The following ACCSL variants were observed in gnomAD, a reference collection of about 807,000 sequenced individuals.
ACCSL encodes the protein 1-aminocyclopropane-1-carboxylate synthase homolog (inactive) like.
A neutral mutation model predicts 61.7 loss-of-function variants in ACCSL; 55 were observed. The observed-to-expected ratio is 0.89, with a 90% confidence interval of 0.72 to 1.12. The LOEUF is 1.12. Ranked by LOEUF, ACCSL falls within the 50% of genes most tolerant of loss-of-function variation. ACCSL has a pLI of 0.00. For synonymous variants in ACCSL, 258 were observed against 264.3 expected, an observed-to-expected ratio of 0.98 and a Z score of 0.23; for missense variants, 632 against 698.0, an observed-to-expected ratio of 0.91 and a Z score of 1.07.
intron 5 of ACCSL, 111 bp downstream of exon 5, chr11:44,051,830 C>T: frequency 7.5e-7 from 1 of 1,328,480 alleles, no homozygotes; most frequent in Non-Finnish European, 1.1e-6. Context: ...AGGCCTTTTC[C>T]CCAAAGTGGT....
chr11:43,943,362 G>GGGGGACCCGC, the ACCSL span: 1 of 1,388,718 alleles, frequency 7.2e-7, no homozygotes, highest in Non-Finnish European at 9.3e-7. This position sits in a 1 kb window ranked among gnomAD's most constrained non-coding sequence, Gnocchi z 4.8. Flanking sequence ...CCCTGCTCCC[G>GGGGGACCCGC]GGGGACCCGC....
the ACCSL span, among the ~76,000 whole-genome samples, chr11:43,928,005 G>C: frequency 7.9e-5 from 12 of 152,362 alleles, no homozygotes; most frequent in African/African-American, 2.9e-4. Flanking sequence ...GGGTCCTGAT[G>C]ATGAGTCTTA....
At chr11:44,023,767 A>T in the ACCSL span, among the ~76,000 whole-genome samples, 1 of 152,022 alleles carries the variant, frequency 6.6e-6, no homozygotes, top group Non-Finnish European at 1.5e-5. Context: ...TTTCTTTTTT[A>T]AAAATATAAA....
At chr11:43,950,176 C>T in the ACCSL span, among the ~76,000 whole-genome samples, 1 of 152,206 alleles carries the variant, frequency 6.6e-6, no homozygotes, top group Non-Finnish European at 1.5e-5. Flanking sequence ...CGAGTTGTTC[C>T]ACATTCTGGA....
the ACCSL span, among the ~76,000 whole-genome samples, chr11:44,009,520 C>T: frequency 6.6e-6 from 1 of 152,206 alleles, no homozygotes; most frequent in African/African-American, 2.4e-5. Flanking sequence ...AATCCCAACA[C>T]TTTGAGAGGC....
the ACCSL span, among the ~76,000 whole-genome samples, chr11:43,938,782 A>AT: frequency 1.3e-5 from 2 of 152,252 alleles, no homozygotes; most frequent in Non-Finnish European, 2.9e-5. Context: ...AGCCTGGAAA[A>AT]CAGAGCAAGA....
the ACCSL span, among the ~76,000 whole-genome samples, chr11:43,982,330 C>G: frequency 6.7e-6 from 1 of 149,076 alleles, no homozygotes; most frequent in Non-Finnish European, 1.5e-5. Flanking sequence ...CAGGTTCTAG[C>G]GATTCTCGTG....
chr11:43,926,803 G>T, the ACCSL span, among the ~76,000 whole-genome samples: 1 of 152,196 alleles, frequency 6.6e-6, no homozygotes, highest in Non-Finnish European at 1.5e-5. Flanking sequence ...AGGTTGGAGG[G>T]CAGTGGTGCA....
the ACCSL span, among the ~76,000 whole-genome samples, chr11:43,954,588 CTTTTTTTT>C: frequency 2.1e-5 from 3 of 145,726 alleles, no homozygotes; most frequent in South Asian, 6.6e-4. Context: ...TTCTTTCTTT[CTTTTTTTT>C]TTTTTGAGGT....
At chr11:43,993,674 G>A in the ACCSL span, among the ~76,000 whole-genome samples, 1 of 152,060 alleles carries the variant, frequency 6.6e-6, no homozygotes, top group Non-Finnish European at 1.5e-5. Context: ...AGAACAACGA[G>A]CATCCTGGAT....
At chr11:44,029,294 C>T in the ACCSL span, among the ~76,000 whole-genome samples, 1 of 152,276 alleles carries the variant, frequency 6.6e-6, no homozygotes, top group Non-Finnish European at 1.5e-5. Context: ...CAGCTTCTTG[C>T]TGTTCCTTCA....
chr11:44,006,691 G>C, the ACCSL span, among the ~76,000 whole-genome samples: 4 of 151,876 alleles, frequency 2.6e-5, no homozygotes, highest in Admixed American at 2.6e-4. Context: ...TTTTTGTAGA[G>C]ATGGGGTTTC....
rs1952684277 is a variant in ACCSL, at chr11:44,058,325, G to A, written c.1336G>A (p.Asp446Asn). 1 of 1,614,076 alleles carries A rather than the reference G, an allele frequency of 6.2e-7. No homozygotes were observed. The highest frequency in any genetic ancestry group is 1.7e-5 in the Admixed American group (1 of 60,006). Residue 446 changes from aspartate (D) to asparagine (N), a missense_variant, in exon 12 of 14, where the codon GAC (aspartate) becomes AAC (asparagine). By Grantham distance (23) the Asp-to-Asn change is conservative (BLOSUM62 1). Transcript: ENST00000378832. ...CQLLQNTEWI[D>N]KVYLPTNCYR... is the part of the protein sequence containing the mutation. ...TTCCTCTACCCATCCAGAATGGATT[G>A]ACAAAGTATACCTACCCACCAATTG...
the ACCSL span, among the ~76,000 whole-genome samples, chr11:44,022,062 ATT>A: frequency 6.6e-6 from 1 of 150,540 alleles, no homozygotes; most frequent in South Asian, 2.1e-4. Flanking sequence ...ATGCCTTCAG[ATT>A]TTTTTTTTTG....
At chr11:44,028,905 G>A in the ACCSL span, among the ~76,000 whole-genome samples, 2 of 152,244 alleles carry the variant, frequency 1.3e-5, no homozygotes, top group Non-Finnish European at 2.9e-5. Context: ...TTTGGAATAA[G>A]TTTGGAATGG....
chr11:43,967,002 A>T, the ACCSL span, among the ~76,000 whole-genome samples: 8,223 of 151,798 alleles, frequency 0.054, 283 homozygotes, highest in Middle Eastern at 0.1. Flanking sequence ...TCTCTAGTTA[A>T]CAAATCCACT....
At chr11:43,966,671 T>G in the ACCSL span, among the ~76,000 whole-genome samples, 1 of 152,172 alleles carries the variant, frequency 6.6e-6, no homozygotes, top group African/African-American at 2.4e-5. Flanking sequence ...ATGGCTTAAA[T>G]AGCCTGTGAG....
chr11:43,992,254 T>G, the ACCSL span, among the ~76,000 whole-genome samples: 1 of 152,020 alleles, frequency 6.6e-6, no homozygotes. Context: ...GGGTTTTGCA[T>G]GTTGCCCAGG....
At chr11:43,932,234 C>T in the ACCSL span, among the ~76,000 whole-genome samples, 1 of 152,186 alleles carries the variant, frequency 6.6e-6, no homozygotes, top group Non-Finnish European at 1.5e-5. Flanking sequence ...AATGAGACTT[C>T]CACAATCCCA....
Sources: allele counts gnomAD v4.1 joint callset (sites outside exome capture counted in the v4.1 genomes callset), GRCh38; gene constraint gnomAD v4.1.1; non-coding constraint Gnocchi (gnomAD v3.1); transcripts MANE v1.5; gene names NCBI Gene and HGNC (gene_info 2026-07-23, HGNC 2026-07-21).